Variants in CLDN2 observed in about 807,000 individuals in gnomAD.
CLDN2 encodes the protein claudin 2.
CLDN2 carries 1 observed loss-of-function variant against 8.2 expected under a neutral mutation model. That is an observed-to-expected ratio of 0.12 (90% CI 0.04 to 0.58). The LOEUF (loss-of-function observed/expected upper bound fraction) is 0.58. Ranked by LOEUF, CLDN2 falls within the 20% of genes least tolerant of loss-of-function variation. The pLI is 0.90. For synonymous variants in CLDN2, 70 were observed against 70.2 expected (o/e 1.00, Z 0.01); for missense variants, 108 against 172.9 (o/e 0.62, Z 2.11).
Position 106,928,780 on chromosome X carries a change from C to G in CLDN2, c.552C>G (p.Ser184=). ...SLIAGIILCF[S]CSSQRNRSNY... is the part of the protein sequence containing the mutation. The stretch of plus-strand genomic sequence containing the variant: ...TAGCTGGAATCATCCTCTGCTTTTC[C>G]TGCTCATCCCAGAGAAATCGCTCCA... Residue 184 remains serine (S), a synonymous_variant, in exon 2 of 2, where the codon TCC becomes TCG. Coordinates refer to ENST00000336803, the MANE Select transcript of CLDN2 (RefSeq NM_020384.4). 3 of 1,211,333 alleles carry G rather than the reference C, an allele frequency of 2.5e-6. No homozygotes were observed. Among genetic ancestry groups the G allele is most frequent in the Non-Finnish European group, 3.4e-6 (3 of 895,364 alleles).
intron 1 of CLDN2, among the ~76,000 whole-genome samples, chrX:106,911,031 C>G (rs182726065): frequency 2.1e-3 from 240 of 112,055 alleles, no homozygotes; most frequent in Middle Eastern, 4.6e-3. Context: ...ATGATTGTTC[C>G]TTTTGCCCCT....
upstream of CLDN2, among the ~76,000 whole-genome samples, chrX:106,916,574 G>A (rs1215594187): frequency 9.0e-6 from 1 of 111,431 alleles, no homozygotes; most frequent in African/African-American, 3.3e-5. Context: ...GTCGAAACCA[G>A]CAGATGGACA....
In CLDN2 at chrX:106,928,076, G is replaced by A; in HGVS notation, c.-153G>A. ...GTCTTCTAGATGCCTTCTTGAGGCT[G>A]CTTGTGGCCACCCACAGACACTTGT... On this transcript the variant is annotated 5_prime_UTR_variant, in exon 2 of 2. Coordinates refer to ENST00000336803, the MANE Select transcript of CLDN2 (RefSeq NM_020384.4). 2.3e-6 allele frequency: 1 copy of A among 426,061 alleles called. No individual in the cohort carries two copies. Among genetic ancestry groups the A allele is most frequent in the Non-Finnish European group, 4.0e-6 (1 of 248,948 alleles). The allele number at this position is 426,061 out of a possible 1,213,427, so 35.1% of individuals were successfully genotyped here.
intron 1 of CLDN2, among the ~76,000 whole-genome samples, chrX:106,925,021 A>G (rs1252855380): frequency 9.0e-6 from 1 of 111,299 alleles, no homozygotes; most frequent in Non-Finnish European, 1.9e-5. Context: ...ACAGAGATAC[A>G]TAAGATATAG....
chrX:106,916,030 C>T (rs1181972098), upstream of CLDN2, among the ~76,000 whole-genome samples: 9 of 108,510 alleles, frequency 8.3e-5, no homozygotes, highest in Non-Finnish European at 1.7e-4. Context: ...ATATAACAAA[C>T]CTGCACATAT....
intron 1 of CLDN2, among the ~76,000 whole-genome samples, chrX:106,902,529 A>G (rs962105888): frequency 8.9e-5 from 10 of 111,972 alleles, no homozygotes; most frequent in Non-Finnish European, 1.7e-4. Flanking sequence ...GTTTCAGTAA[A>G]TGTTTGTTGA....
At chrX:106,902,006 G>T in intron 1 of CLDN2, 1 of 504,733 alleles carries the variant, frequency 2.0e-6, no homozygotes, top group Non-Finnish European at 3.3e-6. Context: ...GGAATCAAAT[G>T]TTGGCAAAAC....
upstream of CLDN2, chrX:106,918,253 G>C (rs969457988): frequency 2.7e-5 from 3 of 112,053 alleles, no homozygotes; most frequent in Non-Finnish European, 5.6e-5. Context: ...AGAAAATGGA[G>C]AGGCTTGCCT....
At chrX:106,902,205 G>A in intron 1 of CLDN2, 1 of 1,180,672 alleles carries the variant, frequency 8.5e-7, no homozygotes, top group Non-Finnish European at 1.1e-6. Context: ...GGCCTCCAGA[G>A]ACAAGTTCCT....
chrX:106,900,951 G>A (rs890740769), intron 1 of CLDN2: 7 of 1,168,376 alleles, frequency 6.0e-6, no homozygotes, highest in Non-Finnish European at 6.8e-6. Flanking sequence ...GGTGTCATAT[G>A]TGCAGAGGGG....
upstream of CLDN2, chrX:106,918,375 T>A (rs1182707026): frequency 9.0e-6 from 1 of 111,404 alleles, no homozygotes; most frequent in East Asian, 2.9e-4. Context: ...TGGCTGCCCT[T>A]TTAGCGTGTC....
chrX:106,900,817 G>A (rs1933080123), intron 1 of CLDN2: 3 of 1,209,684 alleles, frequency 2.5e-6, no homozygotes, highest in African/African-American at 3.5e-5. Context: ...TCCTCGTATA[G>A]GTTGATGGTT....
intron 1 of CLDN2, among the ~76,000 whole-genome samples, chrX:106,924,304 A>G (rs1933435731): frequency 9.0e-6 from 1 of 110,686 alleles, no homozygotes; most frequent in African/African-American, 3.3e-5. Flanking sequence ...TAGGGAGCTC[A>G]AAAAGTAGTA....
chrX:106,913,060 A>G (rs1316575300), intron 1 of CLDN2, among the ~76,000 whole-genome samples: 1 of 110,762 alleles, frequency 9.0e-6, no homozygotes, highest in Non-Finnish European at 1.9e-5. Flanking sequence ...TGATGTTACA[A>G]AATCATGCAT....
At chrX:106,921,062 T>G in intron 1 of CLDN2, among the ~76,000 whole-genome samples, 1 of 112,085 alleles carries the variant, frequency 8.9e-6, no homozygotes, top group Non-Finnish European at 1.9e-5. Context: ...AATTCCTTCT[T>G]TCGACTGAGG....
intron 1 of CLDN2, among the ~76,000 whole-genome samples, chrX:106,911,868 C>T (rs1043263604): frequency 5.4e-5 from 6 of 111,641 alleles, no homozygotes; most frequent in Non-Finnish European, 3.8e-5. Flanking sequence ...TGGGGCTCTA[C>T]GGTAGGGTGG....
chrX:106,914,662 TTA>T (rs778719538), upstream of CLDN2, among the ~76,000 whole-genome samples: 1 of 111,836 alleles, frequency 8.9e-6, no homozygotes, highest in East Asian at 2.8e-4. Context: ...TATATATTAT[TTA>T]TGTTATAATG....
chrX:106,900,961 G>A, intron 1 of CLDN2: 1 of 1,152,590 alleles, frequency 8.7e-7, no homozygotes, highest in Middle Eastern at 2.5e-4. Context: ...GTGCAGAGGG[G>A]CCAGTAGGGC....
At chrX:106,912,341 A>G (rs949031511) in intron 1 of CLDN2, among the ~76,000 whole-genome samples, 5 of 110,192 alleles carry the variant, frequency 4.5e-5, no homozygotes, top group African/African-American at 1.7e-4. Flanking sequence ...CTGAAGTGCA[A>G]TTGTCATGAG....
Sources: allele counts gnomAD v4.1 joint callset (sites outside exome capture counted in the v4.1 genomes callset), GRCh38; gene constraint gnomAD v4.1.1; transcripts MANE v1.5; gene names NCBI Gene and HGNC (gene_info 2026-07-23, HGNC 2026-07-21).